Variants in RERE observed in about 807,000 individuals in gnomAD.
The protein encoded by RERE is arginine-glutamic acid dipeptide repeats.
In RERE, 40 loss-of-function variants were observed where a neutral mutation model predicts 146.1. The observed-to-expected ratio is 0.27, with a 90% CI of 0.21 to 0.36. The LOEUF (loss-of-function observed/expected upper bound fraction) is 0.36, where lower values mean the gene tolerates loss of function less well. Ranked by LOEUF, RERE falls within the 10% of genes least tolerant of loss-of-function variation. RERE has a pLI of 1.00. For missense variants in RERE, 1,933 were observed against 2,138.7 expected (o/e 0.90, Z 1.90); for synonymous variants, 1,003 against 866.0 (o/e 1.16, Z -2.78).
intron 1 of RERE, among the ~76,000 whole-genome samples, chr1:8,809,137 T>TAAAAA (rs58263107): frequency 1.1e-5 from 1 of 95,042 alleles, no homozygotes; most frequent in Non-Finnish European, 2.0e-5. Flanking sequence ...GACTTTGTCT[T>TAAAAA]AAAAAAAAAA....
At chr1:8,750,339 T>C in intron 1 of RERE, 4 of 602,212 alleles carry the variant, frequency 6.6e-6, no homozygotes. Flanking sequence ...AAGTGCTACA[T>C]GTAGAAACCA....
chr1:8,549,388 A>T (rs952068672), intron 6 of RERE, among the ~76,000 whole-genome samples: 2 of 152,252 alleles, frequency 1.3e-5, no homozygotes, highest in Admixed American at 1.3e-4. Context: ...AACAAAAAAT[A>T]ATAAATTATA....
intron 1 of RERE, among the ~76,000 whole-genome samples, chr1:8,775,224 G>T (rs1641042632): frequency 6.6e-6 from 1 of 151,972 alleles, no homozygotes; most frequent in Non-Finnish European, 1.5e-5. Flanking sequence ...CTCCCAAAGT[G>T]CTGGGATTAC....
chr1:8,470,982 A>G lies in RERE; in HGVS notation c.1105-4959T>C, dbSNP rs568735535. The stretch of plus-strand genomic sequence containing the variant: ...TACAGGCGCGCCACCACACCCAGCT[A>G]ATTTTTGTATTTTTAGTAGAGATGG... On this transcript the variant is annotated intron_variant, in intron 10 of 22. Transcript: ENST00000400908. 1.7e-3 allele frequency among the ~76,000 whole-genome samples: 253 copies of G among 150,856 alleles called. 1 individual carries two copies. The highest frequency in any genetic ancestry group is 5.9e-3 in the African/African-American group (244 of 41,120).
chr1:8,391,185 A>G (rs1355428457), intron 12 of RERE, among the ~76,000 whole-genome samples: 1 of 152,232 alleles, frequency 6.6e-6, no homozygotes, highest in Non-Finnish European at 1.5e-5. Context: ...ACAAAACTCT[A>G]GCAAGGTGTT....
At chr1:8,486,755 T>A (rs1287446205) in intron 10 of RERE, among the ~76,000 whole-genome samples, 5 of 122,330 alleles carry the variant, frequency 4.1e-5, no homozygotes, top group Admixed American at 8.5e-5. Context: ...GAGTCCATCT[T>A]AAAAAAAAAA....
At chr1:8,552,557 T>TAAATTATTTCTGTGAATAAAC (rs1553183794) in intron 6 of RERE, among the ~76,000 whole-genome samples, 4 of 152,264 alleles carry the variant, frequency 2.6e-5, no homozygotes, top group African/African-American at 7.2e-5. Context: ...GGAGAAAGAA[T>TAAATTATTTCTGTGAATAAAC]AAATTATTTC....
chr1:8,784,115 G>A (rs1359036909), intron 1 of RERE, among the ~76,000 whole-genome samples: 3 of 152,162 alleles, frequency 2.0e-5, no homozygotes, highest in Non-Finnish European at 4.4e-5. Flanking sequence ...TCTACCCCCT[G>A]CTCATTCTGC....
At position 8,526,076 on chromosome 1, in the gene RERE, C is replaced by G. The variant is rs995961616; in HGVS notation, c.830+15138G>C. ...GTTTCCGTAAATAAAGCCCAGCCAA[C>G]AGACTCTGCAGCTTCTCCCTGCACA... is the stretch of plus-strand genomic sequence containing the variant. On this transcript the variant is annotated intron_variant, in intron 7 of 22. Transcript: ENST00000400908. The G allele has an allele frequency of 1.8e-5, 21 of 1,157,208 alleles. No individual in the cohort carries two copies. In the Admixed American group the frequency reaches 4.9e-4, roughly 27 times the overall value. 71.7% of individuals were successfully genotyped at this position (1,157,208 alleles called of 1,614,324 possible).
chr1:8,808,147 CAA>C (rs778069782), intron 1 of RERE, among the ~76,000 whole-genome samples: 9 of 53,152 alleles, frequency 1.7e-4, no homozygotes, highest in Non-Finnish European at 2.4e-4. Context: ...GACCTTGTCT[CAA>C]AAAAAAAAAA....
chr1:8,610,775 A>C (rs1051525106), intron 4 of RERE, among the ~76,000 whole-genome samples: 4 of 152,108 alleles, frequency 2.6e-5, no homozygotes, highest in Non-Finnish European at 5.9e-5. Flanking sequence ...TATTATACCC[A>C]TACTACAAGT....
At chr1:8,540,889 A>G (rs1645792493) in intron 7 of RERE, among the ~76,000 whole-genome samples, 1 of 152,222 alleles carries the variant, frequency 6.6e-6, no homozygotes, top group Non-Finnish European at 1.5e-5. Context: ...GAATCAGGGA[A>G]ATAATCTACC....
At chr1:8,388,681 T>C (rs1265110500) in intron 12 of RERE, among the ~76,000 whole-genome samples, 2 of 152,236 alleles carry the variant, frequency 1.3e-5, no homozygotes, top group African/African-American at 4.8e-5. Context: ...TTTTATACCA[T>C]ACACAAATGC....
At chr1:8,511,022 G>A (rs1430174978) in intron 7 of RERE, among the ~76,000 whole-genome samples, 1 of 151,900 alleles carries the variant, frequency 6.6e-6, no homozygotes, top group Non-Finnish European at 1.5e-5. Context: ...CCAAAGCGCT[G>A]GAATTACAGA....
At chr1:8,692,449 C>A (rs1459034452) in intron 1 of RERE, among the ~76,000 whole-genome samples, 2 of 151,588 alleles carry the variant, frequency 1.3e-5, no homozygotes, top group African/African-American at 4.9e-5. Context: ...CCATTTCAAG[C>A]GATTCTTCCG....
At chr1:8,640,908 A>G (rs72855858) in intron 2 of RERE, among the ~76,000 whole-genome samples, 2,644 of 152,324 alleles carry the variant, frequency 0.017, 64 homozygotes, top group African/African-American at 0.058. Context: ...TAGGGTATTC[A>G]CATAGCTCCA....
At chr1:8,402,420 T>C (rs1421241656) in intron 12 of RERE, among the ~76,000 whole-genome samples, 1 of 152,134 alleles carries the variant, frequency 6.6e-6, no homozygotes, top group African/African-American at 2.4e-5. Flanking sequence ...GGCACAAAGA[T>C]AAGACACCCT....
intron 10 of RERE, among the ~76,000 whole-genome samples, chr1:8,474,542 C>G (rs1300155424): frequency 6.6e-6 from 1 of 152,182 alleles, no homozygotes; most frequent in East Asian, 1.9e-4. Context: ...ATTCTGGCTT[C>G]TCATCTTAGC....
chr1:8,492,048 C>A (rs529964703), intron 10 of RERE, among the ~76,000 whole-genome samples: 10 of 152,232 alleles, frequency 6.6e-5, no homozygotes, highest in Non-Finnish European at 1.2e-4. Context: ...CTGAAGTTTT[C>A]GGAGTCAGTT....
Sources: gnomAD v4.1 joint callset for allele counts (sites outside exome capture counted in the v4.1 genomes callset) on GRCh38, gnomAD v4.1.1 for gene constraint, MANE v1.5 for transcripts, NCBI Gene and HGNC (gene_info 2026-07-23, HGNC 2026-07-21) for gene names.